The following PMVK variants were observed in gnomAD, a reference collection of about 807,000 sequenced individuals.
The protein encoded by PMVK is testis tissue sperm-binding protein Li 95mP.
A neutral mutation model predicts 19.0 loss-of-function variants in PMVK; 10 were observed. The observed-to-expected ratio is 0.53, with a 90% CI of 0.32 to 0.89. The LOEUF is 0.89. Ranked by LOEUF, PMVK falls within the 40% of genes least tolerant of loss-of-function variation. The pLI, the probability that PMVK is intolerant of heterozygous loss-of-function variation, is 0.03. For synonymous variants in PMVK, 108 were observed against 101.6 expected, an observed-to-expected ratio of 1.06 and a Z score of -0.38; for missense variants, 222 against 251.1, an observed-to-expected ratio of 0.88 and a Z score of 0.78.
rs1654511723 is a variant in PMVK at position 154,936,594 on chromosome 1, C to T, written c.92G>A (p.Ser31Asn). Reference protein sequence around the residue: ...GKDFVTEALQSRLGADVCAVL... With the variant: ...GKDFVTEALQNRLGADVCAVL... ...ACCTTTCCCGCCTCACGGACACCTGCTCTGCAGCGCCTCGGTCACGAAGTC... is the reference window on the plus strand; with the variant it reads ...ACCTTTCCCGCCTCACGGACACCTGTTCTGCAGCGCCTCGGTCACGAAGTC... Residue 31 changes from serine (S) to asparagine (N), a missense_variant, in exon 1 of 5, where the codon AGC becomes AAC. Ser to Asn is a conservative substitution (Grantham distance 46). Coordinates refer to ENST00000368467, the MANE Select transcript of PMVK (RefSeq NM_006556.4). 1 of 1,601,312 alleles carries T rather than the reference C, an allele frequency of 6.2e-7. No individual in the cohort carries two copies. The highest frequency in any genetic ancestry group is 8.5e-7 in the Non-Finnish European group (1 of 1,174,102).
At chr1:154,938,893 T>C (rs150504891), upstream of PMVK, among the ~76,000 whole-genome samples, 109 of 152,306 alleles carry the variant, frequency 7.2e-4, 1 homozygote, top group East Asian at 0.014. Flanking sequence ...TTTTCTTTTG[T>C]TTCTTTATGC....
rs1005860974 is a variant in PMVK, at chr1:154,924,838, C to G, written c.*291G>C. 2 of 399,182 alleles carry G rather than the reference C, an allele frequency of 5.0e-6. No individual in the cohort carries two copies. The highest frequency in any genetic ancestry group is 4.8e-5 in the East Asian group (1 of 20,974). The allele number at this position is 399,182 out of a possible 1,614,324, so 24.7% of individuals were successfully genotyped here. On this transcript the variant is annotated 3_prime_UTR_variant, in exon 5 of 5. Transcript: ENST00000368467. ...ATCCAGTCAGGATGCAAGGCCACCA[C>G]AGGCTGAGGGGACTGGCACTGGGGA...
chr1:154,928,914 G>C (rs1297689762), intron 3 of PMVK, 110 bp downstream of exon 3: 14 of 1,105,716 alleles, frequency 1.3e-5, no homozygotes, highest in Non-Finnish European at 1.8e-5. Flanking sequence ...GTCCAGGCCA[G>C]AAATGGTGGG....
upstream of PMVK, chr1:154,937,667 A>G (rs532081610): frequency 2.0e-5 from 3 of 152,238 alleles, no homozygotes; most frequent in African/African-American, 4.8e-5. Flanking sequence ...GCCGTCCTGC[A>G]TTTTTCTGAG....
intron 3 of PMVK, among the ~76,000 whole-genome samples, chr1:154,928,430 C>T (rs1442192462): frequency 6.6e-6 from 1 of 152,180 alleles, no homozygotes; most frequent in Non-Finnish European, 1.5e-5. Flanking sequence ...GGGAAGCCAC[C>T]AAAGTATTCT....
chr1:154,936,697 G>C lies in PMVK; in HGVS notation c.-12C>G. 6.3e-7 allele frequency: 1 copy of C among 1,587,948 alleles called. No individual in the cohort carries two copies. Among genetic ancestry groups the C allele is most frequent in the Non-Finnish European group, 8.6e-7 (1 of 1,165,992 alleles). ...CCCAGCGGGGCCATGGGGCCGCCAC[G>C]CCTCGCGATGCCTGAAGCTGACACT... On this transcript the variant is annotated 5_prime_UTR_variant, in exon 1 of 5. Coordinates refer to ENST00000368467, the MANE Select transcript of PMVK (RefSeq NM_006556.4).
chr1:154,932,921 T>C lies in PMVK; in HGVS notation c.96-506A>G, dbSNP rs1049321771. On this transcript the variant is annotated intron_variant, in intron 1 of 4. Coordinates refer to ENST00000368467, the MANE Select transcript of PMVK (RefSeq NM_006556.4). ...TTCAAGACCAGCCTGGGCAACACAA[T>C]AAGACCCAGAGATACCATCTCCACC... 1.4e-4 allele frequency among the ~76,000 whole-genome samples: 21 copies of C among 151,140 alleles called. 1 individual carries two copies. Among genetic ancestry groups the C allele is most frequent in the Admixed American group, 1.4e-3 (21 of 15,184 alleles).
rs576224893 is a variant in PMVK at position 154,926,489 on chromosome 1, G to A, written c.313-6C>T. On this transcript the variant is annotated splice_region_variant and splice_polypyrimidine_tract_variant and intron_variant, in intron 3 of 4. Coordinates refer to ENST00000368467, the MANE Select transcript of PMVK (RefSeq NM_006556.4). ...CTCCGTGTGTCACTCACCAGCTGCA[G>A]GAGAGGGACAGACAGGTGACCAACA... 2 of 1,613,174 alleles carry A rather than the reference G, an allele frequency of 1.2e-6. No individual in the cohort carries two copies. Among genetic ancestry groups the A allele is most frequent in the South Asian group, 1.1e-5 (1 of 90,860 alleles).
At chr1:154,942,449 A>C in the PMVK span, among the ~76,000 whole-genome samples, 57 of 152,322 alleles carry the variant, frequency 3.7e-4, 1 homozygote, top group African/African-American at 1.3e-3. Flanking sequence ...CCAGTGCTGC[A>C]TGGGTGTGTT....
chr1:154,933,579 C>T (rs1453325762), intron 1 of PMVK, among the ~76,000 whole-genome samples: 3 of 146,538 alleles, frequency 2.0e-5, no homozygotes, highest in East Asian at 2.0e-4. Context: ...CTGCAATCTC[C>T]GCCTCCCAGG....
chr1:154,936,560 C>A, intron 1 of PMVK, 31 bp downstream of exon 1: 1 of 1,573,560 alleles, frequency 6.4e-7, no homozygotes, highest in South Asian at 1.2e-5. Flanking sequence ...GCGGAGAGCT[C>A]CCCCTTCCAC....
At position 154,926,992 on chromosome 1, in the gene PMVK, C is replaced by T. The variant is rs191304079; in HGVS notation, c.313-509G>A. Among the ~76,000 whole-genome samples the T allele has an allele frequency of 1.9e-3, 296 of 152,312 alleles. 1 individual carries two copies. Among genetic ancestry groups the T allele is most frequent in the Admixed American group, 3.7e-3 (56 of 15,300 alleles). Reference sequence around the variant, plus strand: ...TAGAAAATGATAATTCTATATTTGTCCACCTGCTCAGAACAAAATCCTTGG... The same window carrying T: ...TAGAAAATGATAATTCTATATTTGTTCACCTGCTCAGAACAAAATCCTTGG... On this transcript the variant is annotated intron_variant, in intron 3 of 4. Transcript: ENST00000368467.
upstream of PMVK, among the ~76,000 whole-genome samples, chr1:154,941,285 G>A (rs981720120): frequency 6.6e-6 from 1 of 152,230 alleles, no homozygotes; most frequent in Non-Finnish European, 1.5e-5. Context: ...CACCTATCCT[G>A]GGTGCCAAAG....
At chr1:154,933,068 C>T (rs1294824700) in intron 1 of PMVK, among the ~76,000 whole-genome samples, 1 of 152,148 alleles carries the variant, frequency 6.6e-6, no homozygotes, top group African/African-American at 2.4e-5. Flanking sequence ...ATGATTGTAC[C>T]ACTGTATGCC....
At chr1:154,931,597 C>A (rs2101970274) in intron 2 of PMVK, among the ~76,000 whole-genome samples, 1 of 152,302 alleles carries the variant, frequency 6.6e-6, no homozygotes, top group African/African-American at 2.4e-5. Flanking sequence ...ACATCCCAGG[C>A]ACCTGAAACA....
intron 1 of PMVK, chr1:154,936,336 A>G: frequency 1.1e-6 from 1 of 946,566 alleles, no homozygotes; most frequent in African/African-American, 1.8e-5. Flanking sequence ...CTTCGTAGGA[A>G]CCATTATTAA....
At chr1:154,933,177 G>A (rs1430304315) in intron 1 of PMVK, among the ~76,000 whole-genome samples, 1 of 152,142 alleles carries the variant, frequency 6.6e-6, no homozygotes, top group African/African-American at 2.4e-5. Context: ...GCTCACGCCT[G>A]TAATCCCAGT....
intron 1 of PMVK, among the ~76,000 whole-genome samples, chr1:154,936,071 G>A (rs944205288): frequency 6.6e-6 from 1 of 152,088 alleles, no homozygotes; most frequent in Non-Finnish European, 1.5e-5. Flanking sequence ...CTAACAAAGA[G>A]GTGAAGAGGG....
At chr1:154,933,302 G>A (rs181334629) in intron 1 of PMVK, among the ~76,000 whole-genome samples, 3 of 151,244 alleles carry the variant, frequency 2.0e-5, no homozygotes, top group East Asian at 2.0e-4. Flanking sequence ...ACATGATGGC[G>A]CATGCCTGTA....
Sources: gnomAD v4.1 joint callset for allele counts (sites outside exome capture counted in the v4.1 genomes callset) on GRCh38, gnomAD v4.1.1 for gene constraint, MANE v1.5 for transcripts, NCBI Gene and HGNC (gene_info 2026-07-23, HGNC 2026-07-21) for gene names.